ARRB1: variants seen among roughly 807,000 people sequenced by gnomAD.
ARRB1 encodes beta-arrestin-1.
Under a neutral mutation model 56.8 loss-of-function variants are expected in ARRB1, and 21 were observed. The observed-to-expected ratio is 0.37, with a 90% CI of 0.26 to 0.53. The LOEUF is 0.53. ARRB1 is among the 20% of genes least tolerant of loss of function. The probability of loss-of-function intolerance (pLI) is 0.88; values close to 1 mark genes in which losing one functional copy is unlikely to be tolerated. For missense variants in ARRB1, 424 were observed against 553.7 expected (o/e 0.77, Z 2.35); for synonymous variants, 210 against 218.6 (o/e 0.96, Z 0.35).
intron 1 of ARRB1, chr11:75,306,455 G>A: frequency 3.4e-6 from 2 of 588,288 alleles, no homozygotes; most frequent in South Asian, 3.0e-5. Context: ...TGCGCAGGAA[G>A]CACTCAATGC....
intron 1 of ARRB1, among the ~76,000 whole-genome samples, chr11:75,314,288 AG>A (rs1348113736): frequency 1.3e-5 from 2 of 152,236 alleles, no homozygotes; most frequent in Non-Finnish European, 2.9e-5. Flanking sequence ...TGGAGTCAAG[AG>A]GGCCCAAGTC....
rs1477168853 is a variant in ARRB1 at position 75,265,968 on chromosome 11, G to C, written c.*195C>G. On this transcript the variant is annotated 3_prime_UTR_variant, in exon 16 of 16. Transcript: ENST00000420843. ...AGAGATGGGGTGGAGCCAGTGCGCT[G>C]TGGTCCTGTTGGCGTGGTGATGTGG... is the stretch of plus-strand genomic sequence containing the variant. 3.4e-6 allele frequency: 2 copies of C among 594,906 alleles called. No homozygotes were observed. Among genetic ancestry groups the C allele is most frequent in the African/African-American group, 3.7e-5 (2 of 53,792 alleles). 36.9% of individuals were successfully genotyped at this position (594,906 alleles called of 1,614,324 possible).
At chr11:75,320,022 G>C (rs1473856847) in intron 1 of ARRB1, among the ~76,000 whole-genome samples, 1 of 152,174 alleles carries the variant, frequency 6.6e-6, no homozygotes, top group South Asian at 2.1e-4. Flanking sequence ...AAGCCCCATC[G>C]GGGACAGGGA....
intron 4 of ARRB1, 54 bp from the exon 5 acceptor site, chr11:75,283,537 C>T (rs1246706440): frequency 2.0e-6 from 3 of 1,504,048 alleles, no homozygotes; most frequent in African/African-American, 1.4e-5. Context: ...CAAGCGAGCC[C>T]CCCAGAGTGC....
intron 4 of ARRB1, 87 bp from the exon 5 acceptor site, chr11:75,283,570 C>T (rs972144320): frequency 7.5e-7 from 1 of 1,326,808 alleles, no homozygotes; most frequent in East Asian, 2.5e-5. Context: ...TGGGACGGGC[C>T]CCACTGGAGG....
chr11:75,306,088 A>C (rs1947021651), intron 1 of ARRB1, among the ~76,000 whole-genome samples: 1 of 151,606 alleles, frequency 6.6e-6, no homozygotes. Flanking sequence ...GAAGCACCAA[A>C]CCCACTGACC....
intron 1 of ARRB1, among the ~76,000 whole-genome samples, chr11:75,328,912 T>C (rs1381238023): frequency 6.6e-6 from 1 of 151,962 alleles, no homozygotes; most frequent in Non-Finnish European, 1.5e-5. Context: ...AGCAAAACCA[T>C]TGAGTGGAAC....
In ARRB1 at chr11:75,297,717, T is replaced by C. The variant is rs1459914418; in HGVS notation, c.21-7678A>G. Among the ~76,000 whole-genome samples the C allele has an allele frequency of 8.6e-5, 13 of 151,362 alleles. No individual in the cohort carries two copies. The East Asian group carries it at 2.5e-3, about 29-fold the overall frequency. On this transcript the variant is annotated intron_variant, in intron 1 of 15. Transcript: ENST00000420843. ...CTGCCTCTACTAAAAATACAAACATTAGCCAGGTGTGGTGGCAGGCACCTG... is the reference window on the plus strand; with the variant it reads ...CTGCCTCTACTAAAAATACAAACATCAGCCAGGTGTGGTGGCAGGCACCTG...
chr11:75,318,835 G>A (rs1947303257), intron 1 of ARRB1, among the ~76,000 whole-genome samples: 1 of 152,184 alleles, frequency 6.6e-6, no homozygotes, highest in African/African-American at 2.4e-5. Context: ...CTGAGAACTG[G>A]GCTGTCAGGG....
At chr11:75,319,118 A>G in intron 1 of ARRB1, among the ~76,000 whole-genome samples, 1 of 152,184 alleles carries the variant, frequency 6.6e-6, no homozygotes, top group South Asian at 2.1e-4. Flanking sequence ...ACCTGGTTCT[A>G]TCTATGTTAG....
chr11:75,340,921 C>T (rs1947684036), intron 1 of ARRB1, among the ~76,000 whole-genome samples: 1 of 152,172 alleles, frequency 6.6e-6, no homozygotes, highest in Admixed American at 6.5e-5. Context: ...CCCAGCACCA[C>T]ACTGCTGCTG....
intron 1 of ARRB1, among the ~76,000 whole-genome samples, chr11:75,306,039 G>T (rs185792966): frequency 6.6e-6 from 1 of 151,874 alleles, no homozygotes; most frequent in African/African-American, 2.4e-5. Context: ...CGCACACCCC[G>T]ACACCACACT....
intron 1 of ARRB1, among the ~76,000 whole-genome samples, chr11:75,323,382 GC>G (rs1194342737): frequency 6.6e-6 from 1 of 152,238 alleles, no homozygotes; most frequent in Non-Finnish European, 1.5e-5. Context: ...ACTTTGGGAG[GC>G]CGAGGCGGGT....
At chr11:75,338,654 T>C (rs1947648810) in intron 1 of ARRB1, among the ~76,000 whole-genome samples, 1 of 152,226 alleles carries the variant, frequency 6.6e-6, no homozygotes, top group African/African-American at 2.4e-5. Flanking sequence ...GGTGGCTGAA[T>C]TGTTTCAAGT....
Position 75,281,770 on chromosome 11 carries a change from G to T in ARRB1, c.414+192C>A, listed in dbSNP as rs545011967. The stretch of plus-strand genomic sequence containing the variant: ...ACCCATCACTGAATGGGAGAGTGAG[G>T]CTGACCCCGTACCTGCTGCCCTGTC... On this transcript the variant is annotated intron_variant, in intron 6 of 15. Transcript: ENST00000420843. 3 of 614,420 alleles carry T rather than the reference G, an allele frequency of 4.9e-6. 1 individual carries two copies. The East Asian group carries it at 8.4e-5, about 17-fold the overall frequency. The allele number at this position is 614,420 out of a possible 1,614,324, so 38.1% of individuals were successfully genotyped here. A position where few individuals can be genotyped will look rare whatever the true frequency, so the allele number is the denominator to read the frequency against.
intron 1 of ARRB1, among the ~76,000 whole-genome samples, chr11:75,350,241 G>A (rs1030402430): frequency 2.0e-5 from 3 of 152,194 alleles, no homozygotes; most frequent in South Asian, 2.1e-4. Flanking sequence ...GGTGCCCACC[G>A]GGGTGGTGTC....
chr11:75,330,094 GAACA>G lies in ARRB1; in HGVS notation c.20+21490_20+21493del, dbSNP rs111365404. 2.8e-4 allele frequency among the ~76,000 whole-genome samples: 43 copies of G among 151,818 alleles called. 1 individual carries two copies. Among genetic ancestry groups the G allele is most frequent in the African/African-American group, 9.2e-4 (38 of 41,374 alleles). ...GCACTGAATGAATAAATGAACGAAC[GAACA>G]ATCTGTCACTCATTTCCCAACTTCT... On this transcript the variant is annotated intron_variant, in intron 1 of 15. Coordinates refer to ENST00000420843, the MANE Select transcript of ARRB1 (RefSeq NM_004041.5).
intron 7 of ARRB1, 86 bp from the exon 8 acceptor site, chr11:75,278,830 C>T: frequency 1.3e-6 from 2 of 1,510,950 alleles, no homozygotes; most frequent in Non-Finnish European, 1.8e-6. Context: ...TTCTCCTGCT[C>T]AAGAGACTGG....
At chr11:75,321,666 CT>C (rs1947351523) in intron 1 of ARRB1, among the ~76,000 whole-genome samples, 1 of 152,162 alleles carries the variant, frequency 6.6e-6, no homozygotes, top group African/African-American at 2.4e-5. Context: ...CCTCACTCAA[CT>C]TGTTTCTTCA....
Sources: gnomAD v4.1 joint callset for allele counts (sites outside exome capture counted in the v4.1 genomes callset) on GRCh38, gnomAD v4.1.1 for gene constraint, MANE v1.5 for transcripts, NCBI Gene and HGNC (gene_info 2026-07-23, HGNC 2026-07-21) for gene names.